The following NRXN1 variants were observed in gnomAD, a reference collection of about 807,000 sequenced individuals.
The protein encoded by NRXN1 is neurexin-1.
In NRXN1, 39 loss-of-function variants were observed where a neutral mutation model predicts 150.9. That is an observed-to-expected ratio of 0.26 (90% CI 0.20 to 0.34). The LOEUF (loss-of-function observed/expected upper bound fraction) is 0.34, where lower values mean the gene tolerates loss of function less well. NRXN1 is among the 10% of genes least tolerant of loss of function. The pLI is 1.00. For missense variants in NRXN1, 1,815 were observed against 1,949.9 expected (o/e 0.93, Z 1.30); for synonymous variants, 924 against 757.0 (o/e 1.22, Z -3.62).
At chr2:50,995,899 G>A (rs1381920671) in intron 2 of NRXN1, among the ~76,000 whole-genome samples, 1 of 152,052 alleles carries the variant, frequency 6.6e-6, no homozygotes, top group Non-Finnish European at 1.5e-5. Context: ...CTCAGGGTAG[G>A]GAGGGATCTT....
intron 5 of NRXN1, among the ~76,000 whole-genome samples, chr2:50,891,409 C>T (rs879885108): frequency 8.6e-5 from 13 of 152,000 alleles, no homozygotes; most frequent in South Asian, 2.1e-4. Context: ...TTTCCTTTTT[C>T]ACTTTATAGT....
At position 50,450,291 on chromosome 2, in the gene NRXN1, G is replaced by A. The variant is rs577050849; in HGVS notation, c.3364+15151C>T. ...CCTTTCCTCTCTTCTGAATGCACAC[G>A]GCAATGGTTTGCAGCACACAATGAG... On this transcript the variant is annotated intron_variant, in intron 17 of 22. Transcript: ENST00000401669. 3.3e-5 allele frequency among the ~76,000 whole-genome samples: 5 copies of A among 152,076 alleles called. No homozygotes were observed. The East Asian group carries it at 7.7e-4, about 24-fold the overall frequency.
At chr2:50,929,650 G>C (rs1687446352) in intron 2 of NRXN1, among the ~76,000 whole-genome samples, 1 of 152,010 alleles carries the variant, frequency 6.6e-6, no homozygotes, top group Non-Finnish European at 1.5e-5. Context: ...ACAGGCAGTG[G>C]AAAGACAGAT....
chr2:50,844,538 T>C (rs187662724), intron 5 of NRXN1, among the ~76,000 whole-genome samples: 18 of 152,238 alleles, frequency 1.2e-4, no homozygotes, highest in Non-Finnish European at 4.4e-5. Context: ...TTCGTATAGG[T>C]GGTATTTGGG....
chr2:51,004,892 A>G (rs999817982), intron 2 of NRXN1, among the ~76,000 whole-genome samples: 1 of 151,988 alleles, frequency 6.6e-6, no homozygotes, highest in African/African-American at 2.4e-5. Context: ...GAATGAAAAA[A>G]GTCCTAAGAA....
Position 50,552,980 on chromosome 2 carries a change from C to T in NRXN1, c.1366G>A (p.Ala456Thr), listed in dbSNP as rs1667749170. ...TTCATCTTAGGATCTCCTTGCTTGGCAAGTCGAGATAATTCCAGCCTCACA... is the reference window on the plus strand; with the variant it reads ...TTCATCTTAGGATCTCCTTGCTTGGTAAGTCGAGATAATTCCAGCCTCACA... ...NDVRLELSRL[A>T]KQGDPKMKIH... The change falls in exon 9 of 23, where the codon GCC becomes ACC. Residue 456 changes from alanine (A) to threonine (T), a missense_variant. Physicochemically the swap from Ala to Thr is moderately conservative, Grantham distance 58. Transcript: ENST00000401669. 6.2e-7 allele frequency: 1 copy of T among 1,613,196 alleles called. No homozygotes were observed. The highest frequency in any genetic ancestry group is 8.5e-7 in the Non-Finnish European group (1 of 1,179,476).
intron 2 of NRXN1, among the ~76,000 whole-genome samples, chr2:51,002,842 A>G (rs1025577531): frequency 7.2e-5 from 11 of 151,942 alleles, no homozygotes; most frequent in Non-Finnish European, 1.5e-4. Flanking sequence ...TTCTCTGTTC[A>G]TCTCTAATAA....
At chr2:50,537,026 G>A (rs2093276684) in intron 10 of NRXN1, among the ~76,000 whole-genome samples, 2 of 152,042 alleles carry the variant, frequency 1.3e-5, no homozygotes, top group South Asian at 2.1e-4. Context: ...TGATTTCTAT[G>A]TTACTATTAA....
chr2:50,542,672 A>G (rs1174938527), intron 9 of NRXN1, among the ~76,000 whole-genome samples: 1 of 152,224 alleles, frequency 6.6e-6, no homozygotes, highest in Non-Finnish European at 1.5e-5. Flanking sequence ...CATGGAGTAA[A>G]AATGGTTAGA....
chr2:50,702,689 T>C (rs192434851), intron 5 of NRXN1, among the ~76,000 whole-genome samples: 10 of 152,278 alleles, frequency 6.6e-5, no homozygotes, highest in Admixed American at 3.3e-4. Flanking sequence ...CATTGTATGA[T>C]TATTTGTTAT....
intron 19 of NRXN1, among the ~76,000 whole-genome samples, chr2:50,067,747 C>T (rs1336489893): frequency 6.6e-6 from 1 of 152,148 alleles, no homozygotes; most frequent in African/African-American, 2.4e-5. Flanking sequence ...GTAAGAGCAG[C>T]CCCACATTAC....
intron 5 of NRXN1, among the ~76,000 whole-genome samples, chr2:50,864,039 G>A (rs1391627024): frequency 1.3e-5 from 2 of 151,974 alleles, no homozygotes; most frequent in Non-Finnish European, 2.9e-5. Context: ...CAGGATTAGT[G>A]TTTCTGAGTC....
chr2:49,924,378 G>T (rs1431755260), intron 22 of NRXN1, among the ~76,000 whole-genome samples: 1 of 152,034 alleles, frequency 6.6e-6, no homozygotes, highest in Non-Finnish European at 1.5e-5. Context: ...GGAGTGGAGG[G>T]TTTATATTTT....
At chr2:50,308,103 G>C (rs1165887887) in intron 17 of NRXN1, among the ~76,000 whole-genome samples, 2 of 151,992 alleles carry the variant, frequency 1.3e-5, no homozygotes, top group African/African-American at 4.8e-5. Context: ...TGTTGTTGTT[G>C]TTGGTAGGGA....
intron 18 of NRXN1, among the ~76,000 whole-genome samples, chr2:50,101,033 C>A (rs1297545133): frequency 6.6e-6 from 1 of 152,060 alleles, no homozygotes; most frequent in Non-Finnish European, 1.5e-5. Flanking sequence ...CAGCGTCACA[C>A]TGAATTAAGT....
chr2:50,224,792 G>A (rs1574594393), intron 18 of NRXN1, among the ~76,000 whole-genome samples: 1 of 151,462 alleles, frequency 6.6e-6, no homozygotes, highest in East Asian at 2.0e-4. Context: ...AATCAATTAG[G>A]GAGGATTACT....
intron 18 of NRXN1, among the ~76,000 whole-genome samples, chr2:50,145,469 T>C (rs1707874454): frequency 6.6e-6 from 1 of 151,774 alleles, no homozygotes; most frequent in African/African-American, 2.4e-5. Context: ...GATTATTTGA[T>C]CTCATCTACA....
At chr2:50,399,040 C>T (rs545490856) in intron 17 of NRXN1, among the ~76,000 whole-genome samples, 2 of 152,190 alleles carry the variant, frequency 1.3e-5, no homozygotes, top group African/African-American at 4.8e-5. Context: ...GATTGGAGGT[C>T]ATAATGGATT....
intron 21 of NRXN1, among the ~76,000 whole-genome samples, chr2:50,005,478 C>G (rs1001554609): frequency 6.6e-6 from 1 of 152,120 alleles, no homozygotes; most frequent in Non-Finnish European, 1.5e-5. Flanking sequence ...CCAACCGGGA[C>G]AACCATGAGA....
Sources: gnomAD v4.1 joint callset for allele counts (sites outside exome capture counted in the v4.1 genomes callset) on GRCh38, gnomAD v4.1.1 for gene constraint, MANE v1.5 for transcripts, NCBI Gene and HGNC (gene_info 2026-07-23, HGNC 2026-07-21) for gene names.